SNTG1: variants seen among roughly 807,000 people sequenced by gnomAD.
SNTG1 encodes syntrophin gamma 1, also known as gamma-1-syntrophin.
Under a neutral mutation model 74.7 loss-of-function variants are expected in SNTG1, and 39 were observed. That is an observed-to-expected ratio of 0.52 (90% CI 0.40 to 0.68). The LOEUF (loss-of-function observed/expected upper bound fraction) is 0.68, where lower values mean the gene tolerates loss of function less well. Among genes scored for constraint, SNTG1 ranks in the 30% least tolerant of loss-of-function variants. SNTG1 has a pLI of 0.00. For synonymous variants in SNTG1, 254 were observed against 217.1 expected (o/e 1.17, Z -1.49); for missense variants, 685 against 609.5 (o/e 1.12, Z -1.30).
chr8:50,356,348 A>G (rs1291367904), intron 2 of SNTG1, among the ~76,000 whole-genome samples: 3 of 152,122 alleles, frequency 2.0e-5, no homozygotes, highest in Non-Finnish European at 4.4e-5. Flanking sequence ...GGTGCCTCAC[A>G]GTACTGTTGT....
chr8:50,135,653 TTC>T (rs2081449630), intron 1 of SNTG1, among the ~76,000 whole-genome samples: 1 of 152,210 alleles, frequency 6.6e-6, no homozygotes, highest in African/African-American at 2.4e-5. Flanking sequence ...TGAATTTTAT[TTC>T]TCTGCTTTTA....
At chr8:50,097,482 T>G (rs372304640) in intron 1 of SNTG1, among the ~76,000 whole-genome samples, 2 of 152,224 alleles carry the variant, frequency 1.3e-5, no homozygotes, top group African/African-American at 4.8e-5. Flanking sequence ...TCTAACTTAG[T>G]CAATTTTGAA....
intron 2 of SNTG1, among the ~76,000 whole-genome samples, chr8:50,211,722 T>A (rs1480024965): frequency 2.6e-5 from 4 of 152,134 alleles, no homozygotes; most frequent in African/African-American, 9.6e-5. Context: ...TTTTAAAAAA[T>A]GTTTTATTTT....
intron 1 of SNTG1, among the ~76,000 whole-genome samples, chr8:50,116,742 C>T (rs1051368772): frequency 1.3e-5 from 2 of 152,064 alleles, no homozygotes; most frequent in Non-Finnish European, 2.9e-5. Context: ...TTTCCATGAG[C>T]ATTTTGCTTG....
intron 17 of SNTG1, among the ~76,000 whole-genome samples, chr8:50,734,957 CTATATATCCATATA>C (rs2095524277): frequency 3.4e-5 from 2 of 59,258 alleles, no homozygotes; most frequent in African/African-American, 1.5e-4. Flanking sequence ...ACATATATAT[CTATATATCCATATA>C]TATCTATCCA....
rs1163347283 is a variant in SNTG1 at position 50,796,242 on chromosome 8, C to T, written c.*3413C>T. 6.6e-6 allele frequency: 1 copy of T among 151,992 alleles called. No individual in the cohort carries two copies. Among genetic ancestry groups the T allele is most frequent in the African/African-American group, 2.4e-5 (1 of 41,420 alleles). 9.4% of individuals were successfully genotyped at this position (151,992 alleles called of 1,614,324 possible). ...GAAGCTTTAAAAGCACAAGGATGATCTTGTGCTTAACTTTTTAAGGTAAGT... is the reference window on the plus strand; with the variant it reads ...GAAGCTTTAAAAGCACAAGGATGATTTTGTGCTTAACTTTTTAAGGTAAGT... On this transcript the variant is annotated 3_prime_UTR_variant, in exon 19 of 19. Transcript: ENST00000642720.
At chr8:50,607,775 CTCT>C (rs1331325729) in intron 13 of SNTG1, among the ~76,000 whole-genome samples, 1 of 151,000 alleles carries the variant, frequency 6.6e-6, no homozygotes, top group Non-Finnish European at 1.5e-5. Context: ...GTTTAATTTA[CTCT>C]TCTTTTTTAG....
chr8:49,931,400 C>A (rs898081500), intron 1 of SNTG1, among the ~76,000 whole-genome samples: 2 of 152,140 alleles, frequency 1.3e-5, no homozygotes, highest in Non-Finnish European at 2.9e-5. Context: ...ACACTGTAGA[C>A]TACTAGAGGG....
intron 15 of SNTG1, among the ~76,000 whole-genome samples, chr8:50,679,148 G>A (rs933908246): frequency 2.0e-5 from 3 of 151,954 alleles, no homozygotes; most frequent in African/African-American, 4.8e-5. Context: ...CAAGTTTTCT[G>A]ACTTTATTCA....
At chr8:50,734,478 C>G (rs1052496673) in intron 17 of SNTG1, among the ~76,000 whole-genome samples, 1 of 150,924 alleles carries the variant, frequency 6.6e-6, no homozygotes, top group African/African-American at 2.4e-5. Context: ...GAAAATTCTC[C>G]CATCATTATT....
At chr8:50,076,208 A>G (rs557125183) in intron 1 of SNTG1, among the ~76,000 whole-genome samples, 2 of 152,330 alleles carry the variant, frequency 1.3e-5, no homozygotes, top group East Asian at 3.9e-4. Context: ...AGCAAATTCC[A>G]CATGCTAATT....
intron 2 of SNTG1, among the ~76,000 whole-genome samples, chr8:50,303,097 C>A (rs2089723412): frequency 6.6e-6 from 1 of 152,094 alleles, no homozygotes; most frequent in African/African-American, 2.4e-5. Flanking sequence ...AGCACATAAA[C>A]ACATATTTAT....
intron 17 of SNTG1, among the ~76,000 whole-genome samples, chr8:50,719,608 T>C (rs955277638): frequency 1.3e-5 from 2 of 152,212 alleles, no homozygotes; most frequent in Admixed American, 6.5e-5. Context: ...ATCACACAGA[T>C]GGCATGTAAA....
intron 2 of SNTG1, among the ~76,000 whole-genome samples, chr8:50,266,934 C>T (rs1459021726): frequency 1.3e-5 from 2 of 151,818 alleles, no homozygotes; most frequent in Non-Finnish European, 2.9e-5. Flanking sequence ...TGTGTAGGAA[C>T]GTTAACAAGA....
At chr8:50,027,541 T>A (rs1026740285) in intron 1 of SNTG1, among the ~76,000 whole-genome samples, 1 of 152,186 alleles carries the variant, frequency 6.6e-6, no homozygotes, top group Non-Finnish European at 1.5e-5. Flanking sequence ...GGGTGCCATA[T>A]GACGACAGAG....
intron 2 of SNTG1, among the ~76,000 whole-genome samples, chr8:50,197,244 C>G (rs944858939): frequency 1.3e-5 from 2 of 152,018 alleles, no homozygotes; most frequent in Non-Finnish European, 2.9e-5. Flanking sequence ...GCAAGGCCCG[C>G]CTGATTATAC....
chr8:50,649,263 C>T (rs937646362), intron 13 of SNTG1, among the ~76,000 whole-genome samples: 4 of 151,810 alleles, frequency 2.6e-5, no homozygotes, highest in Admixed American at 2.0e-4. Context: ...GTGAGGAGTC[C>T]GAGGTGGGTG....
intron 4 of SNTG1, among the ~76,000 whole-genome samples, chr8:50,410,348 T>C (rs1479316228): frequency 6.6e-6 from 1 of 152,162 alleles, no homozygotes; most frequent in African/African-American, 2.4e-5. Flanking sequence ...TTGGAGTCTG[T>C]GTACACACAC....
In SNTG1 at chr8:50,375,400, G is replaced by A. The variant is rs368316537; in HGVS notation, c.-27-18812G>A. Among the ~76,000 whole-genome samples, 8 of 151,966 alleles carry A rather than the reference G, an allele frequency of 5.3e-5. No individual in the cohort carries two copies. In the East Asian group the frequency reaches 9.8e-4, roughly 19 times the overall value. ...AAGAGTTTGTACATGGAACAGATACGACTTACAGAGGAGCCAAGCAGAAGA... is the reference window on the plus strand; with the variant it reads ...AAGAGTTTGTACATGGAACAGATACAACTTACAGAGGAGCCAAGCAGAAGA... On this transcript the variant is annotated intron_variant, in intron 2 of 18. Transcript: ENST00000642720.
Sources: allele counts gnomAD v4.1 joint callset (sites outside exome capture counted in the v4.1 genomes callset), GRCh38; gene constraint gnomAD v4.1.1; transcripts MANE v1.5; gene names NCBI Gene and HGNC (gene_info 2026-07-23, HGNC 2026-07-21).